The following OXTR variants were observed in gnomAD, a reference collection of about 807,000 sequenced individuals.
OXTR encodes the protein oxytocin receptor.
In OXTR, 19 loss-of-function variants were observed where a neutral mutation model predicts 23.9. The ratio of observed to expected loss-of-function variants is 0.80; its 90% CI spans 0.56 to 1.17. The LOEUF is 1.17. Ranked by LOEUF, OXTR falls within the 50% of genes most tolerant of loss-of-function variation. OXTR has a pLI of 0.00. For missense variants in OXTR, 500 were observed against 550.7 expected, an observed-to-expected ratio of 0.91 and a Z score of 0.92; for synonymous variants, 278 against 250.5, an observed-to-expected ratio of 1.11 and a Z score of -1.04.
At chr3:8,746,457 C>T (rs1708165274), downstream of OXTR, 1 of 153,118 alleles carries the variant, frequency 6.5e-6, no homozygotes, top group South Asian at 2.1e-4. Context: ...TTTGCTGGAA[C>T]CGTACACGTT....
At chr3:8,742,130 C>T in the OXTR span, among the ~76,000 whole-genome samples, 1 of 152,110 alleles carries the variant, frequency 6.6e-6, no homozygotes, top group African/African-American at 2.4e-5. Flanking sequence ...CCTAGAGCTG[C>T]CTGAGCCGGG....
rs62243375 is a variant in OXTR at position 8,768,776 on chromosome 3, C to T, written c.-238-185G>A. ...CTAGTAAACATTAATTCAAGTACTT[C>T]CTCCGGAAATCCCCAAATAGCCACT... On this transcript the variant is annotated intron_variant, in intron 1 of 3. Coordinates refer to ENST00000316793, the MANE Select transcript of OXTR (RefSeq NM_000916.4). The surrounding 1 kb of genome is among the most constrained non-coding windows in gnomAD (Gnocchi z 5.4). 0.1 allele frequency: 15,491 copies of T among 152,228 alleles called. 1,101 individuals are homozygous for T. The highest frequency in any genetic ancestry group is 0.14 in the Non-Finnish European group (9,608 of 68,046). The allele number at this position is 152,228 out of a possible 1,614,324, so 9.4% of individuals were successfully genotyped here.
downstream of OXTR, among the ~76,000 whole-genome samples, chr3:8,748,335 A>T (rs1271536634): frequency 6.6e-6 from 1 of 152,212 alleles, no homozygotes; most frequent in Non-Finnish European, 1.5e-5. Context: ...TTCAGAGCAG[A>T]TTCAGGGACA....
chr3:8,753,366 A>G (rs1435553996), intron 3 of OXTR, 142 bp from the exon 4 acceptor site: 19 of 1,007,338 alleles, frequency 1.9e-5, no homozygotes, highest in Non-Finnish European at 2.8e-5. Flanking sequence ...ATGAGGTACT[A>G]AAGAGGCAAA....
chr3:8,747,819 C>T (rs1302945098), downstream of OXTR, among the ~76,000 whole-genome samples: 1 of 152,212 alleles, frequency 6.6e-6, no homozygotes, highest in Admixed American at 6.5e-5. Context: ...GACTTGGAAT[C>T]TTGGGTTATG....
chr3:8,767,198 A>T (rs567844723), intron 3 of OXTR, 68 bp downstream of exon 3: 2 of 1,441,986 alleles, frequency 1.4e-6, no homozygotes, highest in Non-Finnish European at 1.9e-6. Context: ...GGACATTCTG[A>T]GGCAGCAAGA....
the OXTR span, among the ~76,000 whole-genome samples, chr3:8,741,940 A>G: frequency 6.6e-6 from 1 of 152,166 alleles, no homozygotes; most frequent in Non-Finnish European, 1.5e-5. Context: ...CAGAATGTGC[A>G]CCATCGTTCC....
At position 8,767,370 on chromosome 3, in the gene OXTR, G is replaced by C. The variant is rs237901; in HGVS notation, c.818C>G (p.Thr273Arg). Residue 273 changes from threonine (T) to arginine (R), a missense_variant, in exon 3 of 4, where the codon ACG becomes AGG. Transcript: ENST00000316793. ...VKLISKAKIR[T>R]VKMTFIIVLA... ...CACGATGATGAAAGTCATCTTGACC[G>C]TGCGGATCTTGGCCTTGGAGATGAG... 27 of 1,612,800 alleles carry C rather than the reference G, an allele frequency of 1.7e-5. No individual in the cohort carries two copies. The South Asian group carries it at 2.9e-4, about 17-fold the overall frequency.
At chr3:8,743,804 A>C in the OXTR span, among the ~76,000 whole-genome samples, 1 of 152,232 alleles carries the variant, frequency 6.6e-6, no homozygotes, top group Non-Finnish European at 1.5e-5. Flanking sequence ...TTTCCCCAGA[A>C]AATATTGTAC....
chr3:8,763,872 A>G (rs1341371718), intron 3 of OXTR, among the ~76,000 whole-genome samples: 1 of 152,088 alleles, frequency 6.6e-6, no homozygotes, highest in Non-Finnish European at 1.5e-5. Context: ...AGAGACTATT[A>G]TTATTAATAG....
chr3:8,756,165 G>T (rs1169835020), intron 3 of OXTR, among the ~76,000 whole-genome samples: 2 of 152,150 alleles, frequency 1.3e-5, no homozygotes, highest in Non-Finnish European at 2.9e-5. Context: ...GGCTAGAAAG[G>T]CTTCACAGGA....
downstream of OXTR, chr3:8,746,038 C>T (rs1481826252): frequency 1.7e-6 from 1 of 602,884 alleles, no homozygotes; most frequent in African/African-American, 1.9e-5. Context: ...GGCCCAGCCA[C>T]AGAAGCACAA....
intron 3 of OXTR, among the ~76,000 whole-genome samples, chr3:8,758,877 C>G (rs927663708): frequency 6.6e-6 from 1 of 152,184 alleles, no homozygotes; most frequent in Non-Finnish European, 1.5e-5. Context: ...CAAGGAATGA[C>G]AAGGCCCTCC....
chr3:8,745,895 G>A (rs1465452862), downstream of OXTR: 1 of 1,590,384 alleles, frequency 6.3e-7, no homozygotes. This position sits in a 1 kb window ranked among gnomAD's most constrained non-coding sequence, Gnocchi z 4.8. Context: ...GCGGTGGCAG[G>A]GCAGGGGGTG....
chr3:8,758,716 C>A (rs540752110), intron 3 of OXTR, among the ~76,000 whole-genome samples: 1 of 152,108 alleles, frequency 6.6e-6, no homozygotes, highest in African/African-American at 2.4e-5. Flanking sequence ...GCCAAACGGG[C>A]GGGCTACAGA....
chr3:8,744,487 A>AGGGTTTCACTGTGGACCAGT, the OXTR span, among the ~76,000 whole-genome samples: 2 of 134,050 alleles, frequency 1.5e-5, no homozygotes, highest in Non-Finnish European at 3.1e-5. Flanking sequence ...TAGTAGAGAC[A>AGGGTTTCACTGTGGACCAGT]GGGTTTCACT....
At chr3:8,745,496 AG>A (rs1230332554), downstream of OXTR, 1 of 1,546,264 alleles carries the variant, frequency 6.5e-7, no homozygotes, top group Middle Eastern at 1.7e-4. This position sits in a 1 kb window ranked among gnomAD's most constrained non-coding sequence, Gnocchi z 4.8. Context: ...GGCTTCTGTG[AG>A]TTGAGGCTTC....
intron 3 of OXTR, 52 bp downstream of exon 3, chr3:8,767,214 G>C (rs1575491098): frequency 6.7e-7 from 1 of 1,492,338 alleles, no homozygotes; most frequent in Non-Finnish European, 8.9e-7. Context: ...CAAGATAAGG[G>C]CCTCCCCCAG....
At chr3:8,767,233 C>T (rs200816233) in intron 3 of OXTR, 33 bp downstream of exon 3, 11 of 1,508,454 alleles carry the variant, frequency 7.3e-6, no homozygotes, top group Non-Finnish European at 8.8e-6. Context: ...AGCCACCAGG[C>T]TCCCTCCTCC....
Sources: gnomAD v4.1 joint callset for allele counts (sites outside exome capture counted in the v4.1 genomes callset) on GRCh38, gnomAD v4.1.1 for gene constraint, Gnocchi (gnomAD v3.1) non-coding constraint, MANE v1.5 for transcripts, NCBI Gene and HGNC (gene_info 2026-07-23, HGNC 2026-07-21) for gene names.